Variants in NTNG2 observed in about 807,000 individuals in gnomAD.
NTNG2 encodes the protein netrin-G2.
In NTNG2, 15 loss-of-function variants were observed where a neutral mutation model predicts 47.6. That is an observed-to-expected ratio of 0.32 (90% CI 0.21 to 0.49). The LOEUF (loss-of-function observed/expected upper bound fraction) is 0.49, where lower values mean the gene tolerates loss of function less well. Ranked by LOEUF, NTNG2 falls within the 20% of genes least tolerant of loss-of-function variation. NTNG2 has a pLI of 0.99. For missense variants in NTNG2, 578 were observed against 764.6 expected (o/e 0.76, Z 2.88); for synonymous variants, 307 against 324.6 (o/e 0.95, Z 0.58).
chr9:132,184,759 A>G (rs1321027247), intron 2 of NTNG2, among the ~76,000 whole-genome samples: 3 of 152,230 alleles, frequency 2.0e-5, no homozygotes, highest in Admixed American at 2.0e-4. Context: ...CCCAGTCTCT[A>G]CTAAAAATAC....
intron 3 of NTNG2, among the ~76,000 whole-genome samples, chr9:132,206,864 G>A (rs536645222): frequency 5.8e-4 from 89 of 152,366 alleles, no homozygotes; most frequent in African/African-American, 2.1e-3. Context: ...CCGGTGTTGG[G>A]AAGGGGCCAG....
intron 3 of NTNG2, among the ~76,000 whole-genome samples, chr9:132,203,043 G>T (rs546708864): frequency 6.6e-6 from 1 of 152,308 alleles, no homozygotes; most frequent in East Asian, 1.9e-4. Flanking sequence ...GGAGAGGGAA[G>T]TGGGGGAGGC....
intron 2 of NTNG2, among the ~76,000 whole-genome samples, chr9:132,170,743 C>G (rs1364736148): frequency 4.6e-5 from 7 of 152,268 alleles, no homozygotes; most frequent in African/African-American, 1.4e-4. Flanking sequence ...GCCCAGGCAG[C>G]AGGGTGCCAA....
chr9:132,176,659 C>G lies in NTNG2; in HGVS notation c.213+9615C>G, dbSNP rs556383585. ...GTGATACTGCTGTGGACATTTGGGTCTCAGTTTTTGCATGTGTGTATGTCT... is the reference window on the plus strand; with the variant it reads ...GTGATACTGCTGTGGACATTTGGGTGTCAGTTTTTGCATGTGTGTATGTCT... On this transcript the variant is annotated intron_variant, in intron 2 of 7. Transcript: ENST00000393229. Among the ~76,000 whole-genome samples the G allele has an allele frequency of 2.5e-4, 38 of 152,262 alleles. 1 individual carries two copies. Among genetic ancestry groups the G allele is most frequent in the Non-Finnish European group, 5.0e-4 (34 of 68,022 alleles).
At chr9:132,174,394 G>C (rs1179459079) in intron 2 of NTNG2, among the ~76,000 whole-genome samples, 1 of 151,998 alleles carries the variant, frequency 6.6e-6, no homozygotes, top group African/African-American at 2.4e-5. Context: ...AGACAGGCAG[G>C]CCGCACCATG....
intron 3 of NTNG2, among the ~76,000 whole-genome samples, chr9:132,207,704 G>T (rs928129168): frequency 2.6e-5 from 4 of 152,212 alleles, no homozygotes; most frequent in African/African-American, 9.6e-5. Flanking sequence ...GACACAAGCA[G>T]GGTGCCAGGG....
chr9:132,171,316 C>T (rs991976299), intron 2 of NTNG2, among the ~76,000 whole-genome samples: 2 of 152,206 alleles, frequency 1.3e-5, no homozygotes, highest in Non-Finnish European at 2.9e-5. Context: ...ACTGCCTTGC[C>T]CACCTCACCG....
intron 3 of NTNG2, among the ~76,000 whole-genome samples, chr9:132,222,047 A>G (rs1840390567): frequency 6.6e-6 from 1 of 152,236 alleles, no homozygotes; most frequent in Non-Finnish European, 1.5e-5. Context: ...ATAGGAATTC[A>G]GAAGTTGCGA....
intron 2 of NTNG2, among the ~76,000 whole-genome samples, chr9:132,181,852 C>G (rs1836965604): frequency 6.6e-6 from 1 of 152,258 alleles, no homozygotes; most frequent in Non-Finnish European, 1.5e-5. Flanking sequence ...GCTGGCACCT[C>G]CAGCCTGGGC....
intron 1 of NTNG2, among the ~76,000 whole-genome samples, chr9:132,164,033 C>T (rs1240095436): frequency 6.6e-6 from 1 of 152,158 alleles, no homozygotes; most frequent in Non-Finnish European, 1.5e-5. Flanking sequence ...TCACTCTCTG[C>T]GCTCCTCCTC....
chr9:132,242,690 G>A lies in NTNG2; in HGVS notation c.*579G>A, dbSNP rs1284776227. ...GGGGAGGAGGAGAGAAGGAAGGGGT[G>A]GGGGGCCTGGAAACTTCGTTCTGTA... On this transcript the variant is annotated 3_prime_UTR_variant, in exon 8 of 8. Coordinates refer to ENST00000393229, the MANE Select transcript of NTNG2 (RefSeq NM_032536.4). The surrounding 1 kb of genome is among the most constrained non-coding windows in gnomAD (Gnocchi z 5.9). The A allele has an allele frequency of 6.7e-6, 1 of 150,076 alleles. No individual in the cohort carries two copies. The highest frequency in any genetic ancestry group is 6.6e-5 in the Admixed American group (1 of 15,196). The allele number at this position is 150,076 out of a possible 1,614,324, so 9.3% of individuals were successfully genotyped here.
chr9:132,199,740 G>GGATT (rs1469262013), intron 3 of NTNG2, among the ~76,000 whole-genome samples: 3 of 152,202 alleles, frequency 2.0e-5, no homozygotes, highest in African/African-American at 7.2e-5. Flanking sequence ...AACGGCTTAT[G>GGATT]GATTAGAGGT....
chr9:132,207,745 T>G lies in NTNG2; in HGVS notation c.857+9136T>G, dbSNP rs112168068. Among the ~76,000 whole-genome samples, 9 of 152,044 alleles carry G rather than the reference T, an allele frequency of 5.9e-5. 1 individual carries two copies. Among genetic ancestry groups the G allele is most frequent in the African/African-American group, 1.9e-4 (8 of 41,456 alleles). On this transcript the variant is annotated intron_variant, in intron 3 of 7. Transcript: ENST00000393229. ...GAGCATGGAGGGGCTGACGCTCCCG[T>G]AGTGGGAGAGCAGAAATCAACAAAC...
At chr9:132,227,341 G>A (rs928698933) in intron 4 of NTNG2, among the ~76,000 whole-genome samples, 1 of 152,222 alleles carries the variant, frequency 6.6e-6, no homozygotes, top group Non-Finnish European at 1.5e-5. Context: ...TGAATGCTAA[G>A]CTGCCCTTCC....
chr9:132,174,939 T>G (rs1836313851), intron 2 of NTNG2, among the ~76,000 whole-genome samples: 1 of 151,558 alleles, frequency 6.6e-6, no homozygotes, highest in South Asian at 2.1e-4. Flanking sequence ...AAAAGTGTAT[T>G]TTTATTTTTA....
intron 2 of NTNG2, among the ~76,000 whole-genome samples, chr9:132,188,588 A>G (rs11790939): frequency 0.4 from 60,553 of 152,056 alleles, 13,036 homozygotes; most frequent in African/African-American, 0.57. Flanking sequence ...GGTGGGGTTG[A>G]GGCACACAGG....
chr9:132,222,398 A>G (rs1231112593), intron 3 of NTNG2, among the ~76,000 whole-genome samples: 1 of 152,212 alleles, frequency 6.6e-6, no homozygotes, highest in African/African-American at 2.4e-5. Flanking sequence ...GCATGTGGCA[A>G]TGGAGGGATG....
chr9:132,242,413 G>A lies in NTNG2; in HGVS notation c.*302G>A, dbSNP rs1377657408. On this transcript the variant is annotated 3_prime_UTR_variant, in exon 8 of 8. Transcript: ENST00000393229. The surrounding 1 kb of genome is among the most constrained non-coding windows in gnomAD (Gnocchi z 5.9). ...TCTTTTTTTTTTTTTTTTTCTGGCG[G>A]TGAGCCAGAGGGTCGGGAGAAACGC... 1 of 147,992 alleles carries A rather than the reference G, an allele frequency of 6.8e-6. No homozygotes were observed. The highest frequency in any genetic ancestry group is 2.6e-5 in the African/African-American group (1 of 39,032). 9.2% of individuals were successfully genotyped at this position (147,992 alleles called of 1,614,324 possible). A position where few individuals can be genotyped will look rare whatever the true frequency, so the allele number is the denominator to read the frequency against.
At position 132,221,595 on chromosome 9, in the gene NTNG2, G is replaced by A. The variant is rs752546167; in HGVS notation, c.858-5254G>A. The stretch of plus-strand genomic sequence containing the variant: ...TCTCTCCTTTGGAAGAGGAGGCACT[G>A]TGCTTGTTCTGGGGCTCAGCCAGCG... On this transcript the variant is annotated intron_variant, in intron 3 of 7. Transcript: ENST00000393229. The surrounding 1 kb of genome is among the most constrained non-coding windows in gnomAD (Gnocchi z 4.2). 7.2e-5 allele frequency among the ~76,000 whole-genome samples: 11 copies of A among 152,236 alleles called. No individual in the cohort carries two copies. Among genetic ancestry groups the A allele is most frequent in the Non-Finnish European group, 1.5e-4 (10 of 68,042 alleles).
Sources: allele counts gnomAD v4.1 joint callset (sites outside exome capture counted in the v4.1 genomes callset), GRCh38; gene constraint gnomAD v4.1.1; non-coding constraint Gnocchi (gnomAD v3.1); transcripts MANE v1.5; gene names NCBI Gene and HGNC (gene_info 2026-07-23, HGNC 2026-07-21).